The following SLC35F4 variants were observed in gnomAD, a reference collection of about 807,000 sequenced individuals.
SLC35F4 encodes solute carrier family 35 member F4, also known as chromosome 14 open reading frame 36.
SLC35F4 carries 24 observed loss-of-function variants against 44.2 expected under a neutral mutation model. The ratio of observed to expected loss-of-function variants is 0.54; its 90% CI spans 0.39 to 0.76. The LOEUF (loss-of-function observed/expected upper bound fraction) is 0.76, where lower values mean the gene tolerates loss of function less well. Ranked by LOEUF, SLC35F4 falls within the 30% of genes least tolerant of loss-of-function variation. The pLI, the probability that SLC35F4 is intolerant of heterozygous loss-of-function variation, is 0.00. For synonymous variants in SLC35F4, 238 were observed against 223.6 expected, an observed-to-expected ratio of 1.06 and a Z score of -0.57; for missense variants, 562 against 586.1, an observed-to-expected ratio of 0.96 and a Z score of 0.42.
At chr14:57,782,292 TG>T (rs1478960797) in intron 1 of SLC35F4, among the ~76,000 whole-genome samples, 1 of 138,338 alleles carries the variant, frequency 7.2e-6, no homozygotes, top group African/African-American at 2.8e-5. Flanking sequence ...CCCTTATACA[TG>T]GATTTTTTTT....
chr14:57,950,569 A>G (rs1358008724), intron 1 of SLC35F4, among the ~76,000 whole-genome samples: 1 of 151,854 alleles, frequency 6.6e-6, no homozygotes, highest in African/African-American at 2.4e-5. Context: ...CTGGGGAGCT[A>G]GGGTGATTGT....
intron 1 of SLC35F4, among the ~76,000 whole-genome samples, chr14:57,847,425 A>C (rs1886134187): frequency 6.6e-6 from 1 of 152,216 alleles, no homozygotes; most frequent in South Asian, 2.1e-4. Flanking sequence ...AAACACACAC[A>C]AAAGTAATTC....
intron 2 of SLC35F4, among the ~76,000 whole-genome samples, chr14:57,590,086 T>C (rs1314836331): frequency 1.3e-5 from 2 of 151,790 alleles, no homozygotes; most frequent in Admixed American, 6.6e-5. Flanking sequence ...CCTTTTTTTT[T>C]TTTTTTTACG....
chr14:57,746,674 G>A (rs1022606497), intron 1 of SLC35F4, among the ~76,000 whole-genome samples: 4 of 152,230 alleles, frequency 2.6e-5, no homozygotes, highest in African/African-American at 9.6e-5. Flanking sequence ...ACAAATTGTA[G>A]TGATTCTTGT....
chr14:57,795,842 G>C (rs1203789151), intron 1 of SLC35F4, among the ~76,000 whole-genome samples: 1 of 151,728 alleles, frequency 6.6e-6, no homozygotes, highest in Non-Finnish European at 1.5e-5. Flanking sequence ...ATGCAGGTTT[G>C]TTACATGGGC....
At chr14:57,805,477 G>A (rs1183563659) in intron 1 of SLC35F4, among the ~76,000 whole-genome samples, 1 of 152,198 alleles carries the variant, frequency 6.6e-6, no homozygotes, top group African/African-American at 2.4e-5. Context: ...CTGGGACATG[G>A]ATGGAATTGG....
intron 1 of SLC35F4, among the ~76,000 whole-genome samples, chr14:57,871,703 G>A (rs980803935): frequency 5.9e-5 from 9 of 152,150 alleles, no homozygotes; most frequent in Non-Finnish European, 1.3e-4. Flanking sequence ...GCCCCCTTGT[G>A]GTTGTAGTGG....
chr14:57,718,829 GA>G (rs2076008852), intron 1 of SLC35F4, among the ~76,000 whole-genome samples: 1 of 152,110 alleles, frequency 6.6e-6, no homozygotes, highest in African/African-American at 2.4e-5. Flanking sequence ...TTGCTGTACA[GA>G]AGCTTTTTAA....
chr14:57,714,459 A>G (rs2075889007), intron 1 of SLC35F4, among the ~76,000 whole-genome samples: 1 of 152,142 alleles, frequency 6.6e-6, no homozygotes, highest in Admixed American at 6.5e-5. Flanking sequence ...TACAGAGCAA[A>G]ACCATTTTAT....
rs1017797534 is a variant in SLC35F4, at chr14:57,865,763, G to A, written c.63C>T (p.Thr21=). 4 of 1,523,730 alleles carry A rather than the reference G, an allele frequency of 2.6e-6. No homozygotes were observed. The South Asian group carries it at 3.7e-5, about 14-fold the overall frequency. 94.4% of individuals were successfully genotyped at this position (1,523,730 alleles called of 1,614,324 possible). A position where few individuals can be genotyped will look rare whatever the true frequency, so the allele number is the denominator to read the frequency against. ...AACCTGGATAATAGCCATAGTAGCC[G>A]GTGATCCGCAGGATCCGGTCCTCGA... ...ATIEDRILRI[T]GYYGYYPGYS... is the part of the protein sequence containing the mutation. Residue 21 remains threonine, a synonymous_variant, in exon 1 of 8, where the codon ACC becomes ACT. Transcript: ENST00000556826.
intron 1 of SLC35F4, among the ~76,000 whole-genome samples, chr14:57,957,755 T>G (rs1039953654): frequency 6.6e-6 from 1 of 152,208 alleles, no homozygotes; most frequent in Non-Finnish European, 1.5e-5. Context: ...ATACCAATTC[T>G]GGCACCCATT....
chr14:57,973,933 C>T (rs190205794), downstream of SLC35F4, among the ~76,000 whole-genome samples: 1 of 152,292 alleles, frequency 6.6e-6, no homozygotes, highest in Non-Finnish European at 1.5e-5. Context: ...AACCCCACCA[C>T]TATCACCATC....
chr14:57,775,142 G>C (rs1314842231), intron 1 of SLC35F4, among the ~76,000 whole-genome samples: 3 of 152,194 alleles, frequency 2.0e-5, no homozygotes, highest in African/African-American at 4.8e-5. Flanking sequence ...CCCCACCCCT[G>C]TGCTAACACC....
Position 57,563,969 on chromosome 14 carries a change from C to T in SLC35F4, c.*166G>A. 1 of 694,632 alleles carries T rather than the reference C, an allele frequency of 1.4e-6. No homozygotes were observed. Among genetic ancestry groups the T allele is most frequent in the South Asian group, 2.5e-5 (1 of 40,118 alleles). The allele number at this position is 694,632 out of a possible 1,614,324, so 43.0% of individuals were successfully genotyped here. On this transcript the variant is annotated 3_prime_UTR_variant, in exon 8 of 8. Transcript: ENST00000556826. ...AAAAATCCATTATGATTATTTACACCAATTCCTTGATAAGCATATAAATGT... is the reference window on the plus strand; with the variant it reads ...AAAAATCCATTATGATTATTTACACTAATTCCTTGATAAGCATATAAATGT...
intron 1 of SLC35F4, among the ~76,000 whole-genome samples, chr14:57,717,496 C>T (rs1359048587): frequency 6.6e-6 from 1 of 152,074 alleles, no homozygotes; most frequent in East Asian, 1.9e-4. Flanking sequence ...ATTAGCCAGG[C>T]GTGGTGTCGG....
At chr14:57,603,022 T>C (rs1280134526) in intron 1 of SLC35F4, among the ~76,000 whole-genome samples, 2 of 152,228 alleles carry the variant, frequency 1.3e-5, no homozygotes, top group Admixed American at 1.3e-4. Context: ...TACTCAGCCT[T>C]GTTACTCTTT....
chr14:57,797,620 A>G (rs1476408914), intron 1 of SLC35F4, among the ~76,000 whole-genome samples: 1 of 152,180 alleles, frequency 6.6e-6, no homozygotes, highest in Non-Finnish European at 1.5e-5. Context: ...CCTAAAACGT[A>G]TATAAATCTA....
upstream of SLC35F4, chr14:57,866,097 C>G: frequency 4.6e-6 from 1 of 217,120 alleles, no homozygotes; most frequent in Non-Finnish European, 9.0e-6. Flanking sequence ...CCGAATAGCG[C>G]CCCCTCACCT....
At chr14:57,803,208 C>A (rs182511900) in intron 1 of SLC35F4, among the ~76,000 whole-genome samples, 1 of 152,136 alleles carries the variant, frequency 6.6e-6, no homozygotes, top group African/African-American at 2.4e-5. Flanking sequence ...AAAAACCACA[C>A]GATTATCTCA....
Sources: gnomAD v4.1 joint callset for allele counts (sites outside exome capture counted in the v4.1 genomes callset) on GRCh38, gnomAD v4.1.1 for gene constraint, MANE v1.5 for transcripts, NCBI Gene and HGNC (gene_info 2026-07-23, HGNC 2026-07-21) for gene names.